FBXO28: variants seen among roughly 807,000 people sequenced by gnomAD.
The protein encoded by FBXO28 is F-box protein 28.
In FBXO28, 8 loss-of-function variants were observed where a neutral mutation model predicts 38.1. That is an observed-to-expected ratio of 0.21 (90% CI 0.12 to 0.38). The LOEUF (loss-of-function observed/expected upper bound fraction) is 0.38. FBXO28 is among the 10% of genes least tolerant of loss of function. The probability of loss-of-function intolerance (pLI) is 1.00; values close to 1 mark genes in which losing one functional copy is unlikely to be tolerated. For synonymous variants in FBXO28, 168 were observed against 173.8 expected, an observed-to-expected ratio of 0.97 and a Z score of 0.26; for missense variants, 345 against 460.6, an observed-to-expected ratio of 0.75 and a Z score of 2.30.
intron 2 of FBXO28, chr1:224,130,905 C>T (rs754105003): frequency 1.6e-4 from 31 of 195,370 alleles, no homozygotes; most frequent in Non-Finnish European, 3.0e-4. Flanking sequence ...GCTAGTAAAC[C>T]AGTTCAGCAA....
At chr1:224,143,192 C>G (rs987176559) in intron 3 of FBXO28, among the ~76,000 whole-genome samples, 233 of 145,344 alleles carry the variant, frequency 1.6e-3, no homozygotes, top group African/African-American at 5.9e-3. Context: ...GCACTCCAGC[C>G]TGGGTGACAG....
chr1:224,136,861 C>T (rs913891958), intron 3 of FBXO28, among the ~76,000 whole-genome samples: 2 of 151,462 alleles, frequency 1.3e-5, no homozygotes, highest in African/African-American at 4.9e-5. Context: ...AGGCGATTCT[C>T]ATGCCTCAGC....
chr1:224,119,139 T>TTTC (rs1553287745), intron 1 of FBXO28, among the ~76,000 whole-genome samples: 2 of 138,322 alleles, frequency 1.4e-5, no homozygotes, highest in African/African-American at 2.7e-5. Context: ...TTTTTTCTTT[T>TTTC]TTTTTTTTTT....
At chr1:224,124,348 C>T (rs914691848) in intron 1 of FBXO28, among the ~76,000 whole-genome samples, 5 of 152,192 alleles carry the variant, frequency 3.3e-5, no homozygotes, top group Non-Finnish European at 7.3e-5. Flanking sequence ...TCTATTCATT[C>T]CCTTTTGTTT....
chr1:224,115,937 A>G (rs964931795), intron 1 of FBXO28, among the ~76,000 whole-genome samples: 2 of 152,268 alleles, frequency 1.3e-5, no homozygotes, highest in East Asian at 3.9e-4. Context: ...GGAGGGGGGA[A>G]CCAGCCTGTC....
intron 1 of FBXO28, among the ~76,000 whole-genome samples, chr1:224,115,857 T>C (rs995588141): frequency 3.9e-5 from 6 of 152,184 alleles, no homozygotes; most frequent in African/African-American, 1.4e-4. Context: ...AGTTCTGTTT[T>C]GTAAGTGTTG....
intron 3 of FBXO28, among the ~76,000 whole-genome samples, chr1:224,142,974 G>A (rs1233258024): frequency 6.6e-6 from 1 of 152,024 alleles, no homozygotes; most frequent in African/African-American, 2.4e-5. Context: ...CTGAACTCCA[G>A]CCTGGGGGAC....
intron 1 of FBXO28, among the ~76,000 whole-genome samples, chr1:224,127,500 A>T (rs1440245484): frequency 6.6e-6 from 1 of 152,194 alleles, no homozygotes; most frequent in Non-Finnish European, 1.5e-5. Flanking sequence ...CTTTTCGTTA[A>T]AAGCAGTTAC....
intron 2 of FBXO28, among the ~76,000 whole-genome samples, chr1:224,132,889 A>G (rs1281330857): frequency 6.6e-6 from 1 of 152,190 alleles, no homozygotes; most frequent in Non-Finnish European, 1.5e-5. Flanking sequence ...TCATTCCTAG[A>G]TAAGTACCCA....
At chr1:224,141,356 A>G (rs1657343908) in intron 3 of FBXO28, among the ~76,000 whole-genome samples, 1 of 151,718 alleles carries the variant, frequency 6.6e-6, no homozygotes, top group Non-Finnish European at 1.5e-5. Context: ...CTGTAGTCCC[A>G]GCTACTTGGG....
chr1:224,161,931 A>G lies in FBXO28; in HGVS notation c.*4185A>G, dbSNP rs1269715935. On this transcript the variant is annotated 3_prime_UTR_variant, in exon 5 of 5. Coordinates refer to ENST00000366862, the MANE Select transcript of FBXO28 (RefSeq NM_015176.4). The stretch of plus-strand genomic sequence containing the variant: ...TTTACCTATGCTTATGAGCAACAAT[A>G]AATTACTAGTTTACCTTCTGGAATT... 6.6e-6 allele frequency: 1 copy of G among 152,218 alleles called. No individual in the cohort carries two copies. Among genetic ancestry groups the G allele is most frequent in the Non-Finnish European group, 1.5e-5 (1 of 68,046 alleles). The allele number at this position is 152,218 out of a possible 1,614,324, so 9.4% of individuals were successfully genotyped here.
chr1:224,133,958 G>T, intron 2 of FBXO28, 116 bp from the exon 3 acceptor site: 1 of 696,848 alleles, frequency 1.4e-6, no homozygotes, highest in Non-Finnish European at 2.1e-6. Context: ...CCCAACTGTA[G>T]ATTTCTAAAT....
chr1:224,156,341 G>T (rs1657772252), intron 4 of FBXO28, among the ~76,000 whole-genome samples: 1 of 152,172 alleles, frequency 6.6e-6, no homozygotes, highest in African/African-American at 2.4e-5. Flanking sequence ...GTAACCCACT[G>T]TTTAGTGGAG....
intron 1 of FBXO28, among the ~76,000 whole-genome samples, chr1:224,124,253 A>G (rs1026961329): frequency 6.6e-6 from 1 of 152,238 alleles, no homozygotes; most frequent in Non-Finnish European, 1.5e-5. Flanking sequence ...TACTGACCAC[A>G]ACTAAGAAAA....
chr1:224,145,652 G>C (rs1052708785), intron 3 of FBXO28, among the ~76,000 whole-genome samples: 5 of 152,170 alleles, frequency 3.3e-5, no homozygotes, highest in African/African-American at 1.2e-4. Context: ...GCCAGGCCTG[G>C]TAGCTCATGC....
chr1:224,131,289 CT>C (rs201830844), intron 2 of FBXO28, among the ~76,000 whole-genome samples: 129 of 145,012 alleles, frequency 8.9e-4, no homozygotes, highest in African/African-American at 1.2e-3. Context: ...ATTCAGCTGT[CT>C]TTTTTTTTTT....
In FBXO28 at chr1:224,158,035, G is replaced by A; in HGVS notation, c.*289G>A. ...GATAATGTTGAAAGTAAGTTAATTT[G>A]TTTCTGCATATATGCACATACATAC... On this transcript the variant is annotated 3_prime_UTR_variant, in exon 5 of 5. Coordinates refer to ENST00000366862, the MANE Select transcript of FBXO28 (RefSeq NM_015176.4). 2 of 1,147,958 alleles carry A rather than the reference G, an allele frequency of 1.7e-6. No homozygotes were observed. Among genetic ancestry groups the A allele is most frequent in the Non-Finnish European group, 1.1e-6 (1 of 934,010 alleles). The allele number at this position is 1,147,958 out of a possible 1,614,324, so 71.1% of individuals were successfully genotyped here. A position where few individuals can be genotyped will look rare whatever the true frequency, so the allele number is the denominator to read the frequency against.
At position 224,114,475 on chromosome 1, in the gene FBXO28, G is replaced by A. The variant is rs1224135977; in HGVS notation, c.267+79G>A. The A allele has an allele frequency of 4.7e-5, 59 of 1,255,514 alleles. No individual in the cohort carries two copies. The South Asian group carries it at 8.3e-4, about 18-fold the overall frequency. 77.8% of individuals were successfully genotyped at this position (1,255,514 alleles called of 1,614,324 possible). On this transcript the variant is annotated intron_variant, in intron 1 of 4. Transcript: ENST00000366862. ...GATGAGAAGGGAGCGCGTTCCCCGG[G>A]AAGGGAGCCCCCCGCGAGCCCCAGC...
At chr1:224,141,645 C>T (rs1657355523) in intron 3 of FBXO28, among the ~76,000 whole-genome samples, 1 of 143,314 alleles carries the variant, frequency 7.0e-6, no homozygotes, top group Admixed American at 7.1e-5. Flanking sequence ...TCCTGAACTA[C>T]AAACCTGTAC....
Sources: allele counts gnomAD v4.1 joint callset (sites outside exome capture counted in the v4.1 genomes callset), GRCh38; gene constraint gnomAD v4.1.1; transcripts MANE v1.5; gene names NCBI Gene and HGNC (gene_info 2026-07-23, HGNC 2026-07-21).